Variants in GTF2E2 observed in about 807,000 individuals in gnomAD.
GTF2E2 encodes the protein transcription initiation factor IIE subunit beta.
In GTF2E2, 21 loss-of-function variants were observed where a neutral mutation model predicts 40.5. The ratio of observed to expected loss-of-function variants is 0.52; its 90% CI spans 0.37 to 0.75. The LOEUF (loss-of-function observed/expected upper bound fraction) is 0.75, where lower values mean the gene tolerates loss of function less well. Ranked by LOEUF, GTF2E2 falls within the 30% of genes least tolerant of loss-of-function variation. GTF2E2 has a pLI of 0.00. For missense variants in GTF2E2, 298 were observed against 338.4 expected (o/e 0.88, Z 0.94); for synonymous variants, 117 against 121.6 (o/e 0.96, Z 0.25).
At chr8:30,654,198 T>C (rs1016282758) in intron 1 of GTF2E2, among the ~76,000 whole-genome samples, 1 of 152,016 alleles carries the variant, frequency 6.6e-6, no homozygotes, top group African/African-American at 2.4e-5. Context: ...CTATTAAACA[T>C]GTGAAATGTG....
intron 5 of GTF2E2, among the ~76,000 whole-genome samples, chr8:30,608,301 G>T (rs1194360760): frequency 6.6e-6 from 1 of 152,118 alleles, no homozygotes; most frequent in Non-Finnish European, 1.5e-5. Context: ...ATACAAAATG[G>T]AAACAATATT....
At position 30,653,511 on chromosome 8, in the gene GTF2E2, C is replaced by G; in HGVS notation, c.88G>C (p.Glu30Gln). ...TTCTTTGACGATGATGATGATGACT[C>G]AGAAGATGCTGAACGTTTTTCTACT... ...PVVEKRSASS[E>Q]SSSSSSKKKK... Residue 30 changes from glutamate (E) to glutamine (Q), a missense_variant, in exon 2 of 8, where the codon GAG becomes CAG. Physicochemically the swap from Glu to Gln is conservative, Grantham distance 29. Coordinates refer to ENST00000355904, the MANE Select transcript of GTF2E2 (RefSeq NM_002095.6). The G allele has an allele frequency of 6.2e-7, 1 of 1,613,166 alleles. No individual in the cohort carries two copies. The highest frequency in any genetic ancestry group is 1.3e-5 in the African/African-American group (1 of 75,020).
chr8:30,599,716 G>A (rs1303229207), intron 6 of GTF2E2, among the ~76,000 whole-genome samples: 1 of 152,182 alleles, frequency 6.6e-6, no homozygotes, highest in Non-Finnish European at 1.5e-5. Flanking sequence ...AGGGCACGGT[G>A]GCTCACACCT....
intron 6 of GTF2E2, among the ~76,000 whole-genome samples, chr8:30,599,955 C>A (rs773256578): frequency 6.6e-6 from 1 of 152,120 alleles, no homozygotes; most frequent in African/African-American, 2.4e-5. Flanking sequence ...TGCACCCCAG[C>A]CTGGTGACAA....
chr8:30,611,963 AACATCT>A (rs1263315570), intron 5 of GTF2E2, among the ~76,000 whole-genome samples: 1 of 152,220 alleles, frequency 6.6e-6, no homozygotes, highest in Non-Finnish European at 1.5e-5. Flanking sequence ...TCAGGTAAGG[AACATCT>A]ACTAGTATTA....
At chr8:30,587,420 GA>G (rs909001938) in intron 6 of GTF2E2, among the ~76,000 whole-genome samples, 5 of 120,680 alleles carry the variant, frequency 4.1e-5, no homozygotes, top group South Asian at 2.5e-4. Context: ...CTCTAAAAAA[GA>G]AAAAAAAATT....
intron 4 of GTF2E2, among the ~76,000 whole-genome samples, chr8:30,614,257 G>A: frequency 6.6e-6 from 1 of 152,130 alleles, no homozygotes; most frequent in East Asian, 1.9e-4. Context: ...TTAAGAAAAA[G>A]TAAAAAGCAT....
chr8:30,630,195 G>A (rs1055725939), intron 3 of GTF2E2, among the ~76,000 whole-genome samples: 6 of 152,076 alleles, frequency 3.9e-5, no homozygotes, highest in Admixed American at 6.6e-5. Context: ...CTGTTCCAAC[G>A]TAAATTACTG....
chr8:30,642,711 A>C (rs1302620791), intron 2 of GTF2E2, among the ~76,000 whole-genome samples: 1 of 152,190 alleles, frequency 6.6e-6, no homozygotes, highest in African/African-American at 2.4e-5. Flanking sequence ...TGTTCTTTTC[A>C]CTTAAGAACA....
chr8:30,579,719 T>TC (rs1418860018), intron 7 of GTF2E2, among the ~76,000 whole-genome samples: 2 of 152,022 alleles, frequency 1.3e-5, no homozygotes, highest in Non-Finnish European at 2.9e-5. Context: ...TGGTGAATCA[T>TC]CCCCCCGGGC....
At chr8:30,645,580 G>GA in intron 2 of GTF2E2, 1 of 1,535,568 alleles carries the variant, frequency 6.5e-7, no homozygotes, top group East Asian at 2.4e-5. Flanking sequence ...CAGAAAACGT[G>GA]AAACTGAAGT....
chr8:30,627,843 G>C (rs900269704), intron 3 of GTF2E2, among the ~76,000 whole-genome samples: 1 of 152,218 alleles, frequency 6.6e-6, no homozygotes, highest in Non-Finnish European at 1.5e-5. Flanking sequence ...GAAAATAGTA[G>C]GCCATCCTTT....
At chr8:30,589,692 G>T (rs1828786186) in intron 6 of GTF2E2, among the ~76,000 whole-genome samples, 1 of 152,168 alleles carries the variant, frequency 6.6e-6, no homozygotes, top group Non-Finnish European at 1.5e-5. Context: ...CTGCTATCTG[G>T]ACATCTGTAA....
chr8:30,654,332 T>C (rs967647175), intron 1 of GTF2E2, among the ~76,000 whole-genome samples: 6 of 152,202 alleles, frequency 3.9e-5, no homozygotes, highest in African/African-American at 9.6e-5. Context: ...GTTGAAGTGA[T>C]ACTATTTTGA....
intron 4 of GTF2E2, among the ~76,000 whole-genome samples, chr8:30,613,535 T>C (rs1800803601): frequency 6.6e-6 from 1 of 152,182 alleles, no homozygotes; most frequent in Non-Finnish European, 1.5e-5. Flanking sequence ...GAGAATAGAA[T>C]AGTAAAATGA....
chr8:30,625,500 G>C (rs1190792290), intron 3 of GTF2E2, among the ~76,000 whole-genome samples: 1 of 152,124 alleles, frequency 6.6e-6, no homozygotes, highest in African/African-American at 2.4e-5. Flanking sequence ...GGTGCTCACA[G>C]TAACAGGCAA....
Position 30,599,494 on chromosome 8 carries a change from G to A in GTF2E2, c.643+7563C>T, listed in dbSNP as rs371082081. Among the ~76,000 whole-genome samples, 57 of 151,082 alleles carry A rather than the reference G, an allele frequency of 3.8e-4. 1 individual carries two copies. The highest frequency in any genetic ancestry group is 1.3e-3 in the African/African-American group (54 of 41,152). On this transcript the variant is annotated intron_variant, in intron 6 of 7. Transcript: ENST00000355904. Reference sequence around the variant, plus strand: ...CTCGGGAGTCTGAGACAGGAGAATCGCTTCAACCTGGGAGGCAGAGGTTGC... The same window carrying A: ...CTCGGGAGTCTGAGACAGGAGAATCACTTCAACCTGGGAGGCAGAGGTTGC...
chr8:30,591,455 GC>G (rs1387596951), intron 6 of GTF2E2, among the ~76,000 whole-genome samples: 3 of 152,014 alleles, frequency 2.0e-5, no homozygotes, highest in Non-Finnish European at 4.4e-5. Flanking sequence ...CTGCACTCAA[GC>G]CCAGGAAACA....
At chr8:30,580,491 C>A (rs1473037904) in intron 6 of GTF2E2, 95 bp from the exon 7 acceptor site, 1 of 725,202 alleles carries the variant, frequency 1.4e-6, no homozygotes, top group East Asian at 2.6e-5. Flanking sequence ...TCCTCTGGAT[C>A]CAAATGAGCA....
Sources: allele counts gnomAD v4.1 joint callset (sites outside exome capture counted in the v4.1 genomes callset), GRCh38; gene constraint gnomAD v4.1.1; transcripts MANE v1.5; gene names NCBI Gene and HGNC (gene_info 2026-07-23, HGNC 2026-07-21).